The following TNNI3K variants were observed in gnomAD, a reference collection of about 807,000 sequenced individuals.
The protein encoded by TNNI3K is TNNI3 interacting kinase, also known as serine/threonine-protein kinase TNNI3K.
TNNI3K carries 140 observed loss-of-function variants against 114.5 expected under a neutral mutation model. The ratio of observed to expected loss-of-function variants is 1.22; its 90% CI spans 1.07 to 1.41. The LOEUF is 1.41. TNNI3K is among the 40% of genes most tolerant of loss of function. The pLI, the probability that TNNI3K is intolerant of heterozygous loss-of-function variation, is 0.00. For synonymous variants in TNNI3K, 347 were observed against 347.5 expected, an observed-to-expected ratio of 1.00 and a Z score of 0.02; for missense variants, 1,125 against 1,007.6, an observed-to-expected ratio of 1.12 and a Z score of -1.58.
Position 74,486,494 on chromosome 1 carries a change from T to G in TNNI3K, c.2122-2695T>G, listed in dbSNP as rs558571933. Among the ~76,000 whole-genome samples the G allele has an allele frequency of 4.2e-4, 51 of 121,936 alleles. No individual in the cohort carries two copies. The South Asian group carries it at 9.7e-3, about 23-fold the overall frequency. The allele number at this position is 121,936 out of a possible 152,430, so 80.0% of individuals were successfully genotyped here. Reference sequence around the variant, plus strand: ...ACATCATCACTTTTTTTGTGTGTGTTTTTTGTTTTTTGCTTTTTTTTTTTT... The same window carrying G: ...ACATCATCACTTTTTTTGTGTGTGTGTTTTGTTTTTTGCTTTTTTTTTTTT... On this transcript the variant is annotated intron_variant, in intron 21 of 24. Transcript: ENST00000326637.
chr1:74,293,865 C>T (rs1305912170), intron 5 of TNNI3K, among the ~76,000 whole-genome samples: 1 of 151,406 alleles, frequency 6.6e-6, no homozygotes, highest in Non-Finnish European at 1.5e-5. Flanking sequence ...GAATTTTTTC[C>T]TTCTATTGTT....
chr1:74,481,704 A>T lies in TNNI3K; in HGVS notation c.2122-7485A>T, dbSNP rs563931229. Among the ~76,000 whole-genome samples, 8 of 152,298 alleles carry T rather than the reference A, an allele frequency of 5.3e-5. No homozygotes were observed. The South Asian group carries it at 1.5e-3, about 28-fold the overall frequency. ...AATCCCTTCACCATAATCACCTCAG[A>T]GCTATCACTGCTCTGTCATTAGAAA... On this transcript the variant is annotated intron_variant, in intron 21 of 24. Transcript: ENST00000326637.
chr1:74,379,617 T>C (rs1318826692), intron 17 of TNNI3K, among the ~76,000 whole-genome samples: 1 of 152,096 alleles, frequency 6.6e-6, no homozygotes, highest in African/African-American at 2.4e-5. Context: ...CAGTGAGTTC[T>C]CTCTGACTCA....
At chr1:74,325,990 T>C (rs1287853374) in intron 5 of TNNI3K, among the ~76,000 whole-genome samples, 1 of 152,184 alleles carries the variant, frequency 6.6e-6, no homozygotes, top group Non-Finnish European at 1.5e-5. Flanking sequence ...TGTTCTTCTC[T>C]CTATAAATCT....
At chr1:74,469,264 T>A (rs1667801647) in intron 21 of TNNI3K, 1 of 152,574 alleles carries the variant, frequency 6.6e-6, no homozygotes, top group South Asian at 2.1e-4. Context: ...ATCCTTAATT[T>A]TTTTCTCTTA....
intron 23 of TNNI3K, among the ~76,000 whole-genome samples, chr1:74,500,724 G>A (rs1669581027): frequency 7.0e-6 from 1 of 141,868 alleles, no homozygotes; most frequent in Admixed American, 7.2e-5. Context: ...TCTTTTTTAA[G>A]ATATTTAGTA....
At chr1:74,447,014 G>C in intron 20 of TNNI3K, among the ~76,000 whole-genome samples, 1 of 123,446 alleles carries the variant, frequency 8.1e-6, no homozygotes, top group South Asian at 3.1e-4. Flanking sequence ...GGATTGACTT[G>C]GCGATGCGGG....
intron 5 of TNNI3K, among the ~76,000 whole-genome samples, chr1:74,299,002 T>C (rs527284675): frequency 1.3e-5 from 2 of 152,266 alleles, no homozygotes; most frequent in East Asian, 3.9e-4. Context: ...TGAAAAGATA[T>C]ATCATCTGAA....
chr1:74,413,681 G>T (rs1570591051), intron 17 of TNNI3K, among the ~76,000 whole-genome samples: 1 of 152,066 alleles, frequency 6.6e-6, no homozygotes, highest in Non-Finnish European at 1.5e-5. Context: ...GAATACAAGC[G>T]CCGAAAATTT....
chr1:74,436,380 A>G, intron 18 of TNNI3K, 94 bp from the exon 19 acceptor site: 3 of 1,380,110 alleles, frequency 2.2e-6, no homozygotes, highest in Non-Finnish European at 2.9e-6. Flanking sequence ...TGAATAAGAC[A>G]GAAGTCTCTT....
chr1:74,293,008 A>G (rs962297786), intron 5 of TNNI3K, among the ~76,000 whole-genome samples: 2 of 151,678 alleles, frequency 1.3e-5, no homozygotes, highest in Non-Finnish European at 3.0e-5. Context: ...ATTTAATAAT[A>G]TGTGACTTTA....
intron 5 of TNNI3K, among the ~76,000 whole-genome samples, chr1:74,311,991 A>G (rs1044920321): frequency 5.3e-5 from 8 of 152,130 alleles, no homozygotes; most frequent in Non-Finnish European, 1.2e-4. Flanking sequence ...AACCTGTGTG[A>G]TTTCCATTTC....
intron 17 of TNNI3K, chr1:74,376,746 A>C (rs980196208): frequency 9.2e-5 from 14 of 152,074 alleles, no homozygotes; most frequent in Middle Eastern, 3.4e-3. Context: ...AGATCATAAC[A>C]CTTTTTCCAG....
At chr1:74,485,895 C>G (rs145527996) in intron 21 of TNNI3K, among the ~76,000 whole-genome samples, 1 of 152,120 alleles carries the variant, frequency 6.6e-6, no homozygotes, top group Non-Finnish European at 1.5e-5. Context: ...ACAACCAATG[C>G]GCTTAAAAGA....
intron 5 of TNNI3K, among the ~76,000 whole-genome samples, chr1:74,281,500 A>T (rs1657014623): frequency 6.6e-6 from 1 of 152,148 alleles, no homozygotes; most frequent in Non-Finnish European, 1.5e-5. Flanking sequence ...TATCCTAGGT[A>T]GGGTAAAACA....
At chr1:74,306,524 G>A (rs1046840972) in intron 5 of TNNI3K, among the ~76,000 whole-genome samples, 12 of 152,088 alleles carry the variant, frequency 7.9e-5, no homozygotes, top group Middle Eastern at 3.4e-3. Flanking sequence ...TTTTCTCTGC[G>A]TCCATGCCAA....
At chr1:74,450,522 C>T (rs1428094551) in intron 20 of TNNI3K, among the ~76,000 whole-genome samples, 1 of 151,918 alleles carries the variant, frequency 6.6e-6, no homozygotes, top group African/African-American at 2.4e-5. Flanking sequence ...AGGTCTAATA[C>T]CCACAATCTA....
chr1:74,491,952 T>C, intron 22 of TNNI3K, 145 bp from the exon 23 acceptor site: 1 of 1,271,696 alleles, frequency 7.9e-7, no homozygotes, highest in Non-Finnish European at 1.0e-6. Context: ...GACTTTTTCC[T>C]GAAAGGAAAA....
Position 74,331,539 on chromosome 1 carries a change from A to T in TNNI3K, c.534A>T (p.Gly178=). ...CATTGCATATTGCAGCGTACTATGG[A>T]CATGAACAGGTAAGTCTGACAGTAG... The part of the protein sequence containing the change: ...FTPLHIAAYY[G]HEQVTRLLLK... Residue 178 remains glycine (G), a synonymous_variant, in exon 6 of 25, where the codon GGA becomes GGT. Coordinates refer to ENST00000326637, the MANE Select transcript of TNNI3K (RefSeq NM_015978.3). The T allele has an allele frequency of 6.2e-7, 1 of 1,610,852 alleles. No homozygotes were observed.
Sources: allele counts gnomAD v4.1 joint callset (sites outside exome capture counted in the v4.1 genomes callset), GRCh38; gene constraint gnomAD v4.1.1; transcripts MANE v1.5; gene names NCBI Gene and HGNC (gene_info 2026-07-23, HGNC 2026-07-21).